The following SAMMSON variants were observed in gnomAD, a reference collection of about 807,000 sequenced individuals.
The protein encoded by SAMMSON is survival associated mitochondrial melanoma specific oncogenic non-coding RNA, also known as long intergenic non-protein coding RNA 1212.
chr3:70,176,989 C>T (rs148873909), intron 4 of SAMMSON, among the ~76,000 whole-genome samples: 3 of 152,230 alleles, frequency 2.0e-5, no homozygotes, highest in South Asian at 2.1e-4. Flanking sequence ...GAGATGTTTG[C>T]TTTAAGAGCT....
intron 9 of SAMMSON, among the ~76,000 whole-genome samples, chr3:70,386,234 C>T (rs888490919): frequency 6.6e-6 from 1 of 152,052 alleles, no homozygotes; most frequent in Non-Finnish European, 1.5e-5. Flanking sequence ...TTATCAAGGT[C>T]CCTGGCACAC....
intron 1 of SAMMSON, among the ~76,000 whole-genome samples, chr3:70,000,034 C>G (rs2066899574): frequency 6.6e-6 from 1 of 152,186 alleles, no homozygotes; most frequent in African/African-American, 2.4e-5. Flanking sequence ...TTCCGGTACA[C>G]CAAGGCGAGA....
chr3:70,255,642 G>A (rs1701808906), intron 6 of SAMMSON, among the ~76,000 whole-genome samples: 1 of 151,874 alleles, frequency 6.6e-6, no homozygotes, highest in Admixed American at 6.6e-5. Context: ...TTTTTCCTGT[G>A]GAGGTGGGGT....
intron 4 of SAMMSON, among the ~76,000 whole-genome samples, chr3:70,128,976 A>G (rs949795732): frequency 1.3e-5 from 2 of 152,196 alleles, no homozygotes; most frequent in South Asian, 2.1e-4. Context: ...TTTTCAATTT[A>G]AAAACTGCCT....
chr3:70,277,298 T>C (rs772824786), intron 6 of SAMMSON, among the ~76,000 whole-genome samples: 14 of 152,234 alleles, frequency 9.2e-5, no homozygotes, highest in African/African-American at 1.9e-4. Flanking sequence ...ATTTTGTTTA[T>C]TCTGAAACTA....
chr3:70,169,645 CTTTTTT>C (rs11384588), intron 4 of SAMMSON, among the ~76,000 whole-genome samples: 32 of 142,794 alleles, frequency 2.2e-4, no homozygotes, highest in Admixed American at 6.3e-4. Flanking sequence ...TTTCTTTTTT[CTTTTTT>C]TTTTTTTCCT....
At chr3:70,129,711 T>G (rs1286752230) in intron 4 of SAMMSON, among the ~76,000 whole-genome samples, 5 of 152,170 alleles carry the variant, frequency 3.3e-5, no homozygotes, top group Non-Finnish European at 7.4e-5. Context: ...TGCAGCAGAT[T>G]GTATTTTCCA....
At chr3:70,056,068 T>C (rs1252091715) in intron 3 of SAMMSON, among the ~76,000 whole-genome samples, 2 of 152,096 alleles carry the variant, frequency 1.3e-5, no homozygotes, top group Non-Finnish European at 1.5e-5. Context: ...CACTGCAGAC[T>C]GAGCCAGAGC....
intron 4 of SAMMSON, chr3:70,125,503 G>T (rs1181091205): frequency 2.8e-6 from 2 of 718,590 alleles, no homozygotes; most frequent in Non-Finnish European, 4.9e-6. Flanking sequence ...CTTCTGTGAT[G>T]TTCAAATTAG....
chr3:70,385,255 A>G lies in SAMMSON; in HGVS notation n.914-4319A>G, dbSNP rs115938713. ...TTTTCGTGAAGATTAACAGAGAAAA[A>G]TGTTCTTATGATAACTAACAGTAGG... On this transcript the variant is annotated intron_variant and non_coding_transcript_variant, in intron 9 of 9. Transcript: ENST00000642114. 6.7e-3 allele frequency among the ~76,000 whole-genome samples: 1,026 copies of G among 152,186 alleles called. 5 individuals are homozygous for G. Among genetic ancestry groups the G allele is most frequent in the African/African-American group, 0.023 (970 of 41,548 alleles).
chr3:70,398,133 A>G (rs548045738), intron 2 of SAMMSON, among the ~76,000 whole-genome samples: 98 of 152,360 alleles, frequency 6.4e-4, no homozygotes, highest in Non-Finnish European at 1.3e-3. Context: ...GGAGAAAATT[A>G]CATGAGTTAT....
chr3:70,186,783 C>T (rs1053765313), intron 4 of SAMMSON, among the ~76,000 whole-genome samples: 1 of 152,126 alleles, frequency 6.6e-6, no homozygotes, highest in Non-Finnish European at 1.5e-5. Context: ...ATGAAAGCAA[C>T]TTTGCATTTG....
intron 3 of SAMMSON, among the ~76,000 whole-genome samples, chr3:70,020,639 T>C (rs945406971): frequency 2.0e-5 from 3 of 152,122 alleles, no homozygotes; most frequent in African/African-American, 7.2e-5. Context: ...TCTCTTCGCC[T>C]TCTAATCATC....
At chr3:70,121,958 G>A (rs2067436491) in intron 4 of SAMMSON, among the ~76,000 whole-genome samples, 1 of 152,154 alleles carries the variant, frequency 6.6e-6, no homozygotes, top group South Asian at 2.1e-4. Context: ...TATGAATCTC[G>A]TAAGAGACTC....
chr3:70,371,235 A>G (rs142690795), intron 9 of SAMMSON, among the ~76,000 whole-genome samples: 91 of 152,112 alleles, frequency 6.0e-4, no homozygotes, highest in African/African-American at 2.1e-3. Context: ...TATATCTTGA[A>G]CTCAGGTAAT....
chr3:70,428,444 C>T (rs1351057462), intron 2 of SAMMSON, among the ~76,000 whole-genome samples: 1 of 152,098 alleles, frequency 6.6e-6, no homozygotes, highest in African/African-American at 2.4e-5. Context: ...AGATAAATTA[C>T]TGATTTCTGA....
chr3:70,125,504 T>C (rs940241960), intron 4 of SAMMSON: 81 of 718,954 alleles, frequency 1.1e-4, no homozygotes, highest in South Asian at 2.8e-4. Context: ...TTCTGTGATG[T>C]TCAAATTAGG....
chr3:70,068,812 T>C (rs1208868837), intron 3 of SAMMSON: 7 of 152,100 alleles, frequency 4.6e-5, no homozygotes, highest in African/African-American at 1.7e-4. Context: ...GAATACAATA[T>C]CCCAGTCTTC....
chr3:70,418,473 C>A (rs1701282851), intron 2 of SAMMSON, among the ~76,000 whole-genome samples: 1 of 152,178 alleles, frequency 6.6e-6, no homozygotes, highest in African/African-American at 2.4e-5. Flanking sequence ...TTGCTGAAAT[C>A]CAGCCCATCC....
Sources: allele counts gnomAD v4.1 joint callset (sites outside exome capture counted in the v4.1 genomes callset), GRCh38; gene constraint gnomAD v4.1.1; transcripts MANE v1.5; gene names NCBI Gene and HGNC (gene_info 2026-07-23, HGNC 2026-07-21).